FAM47E: variants seen among roughly 807,000 people sequenced by gnomAD.
FAM47E encodes family with sequence similarity 47 member E, also known as protein FAM47E.
A neutral mutation model predicts 41.6 loss-of-function variants in FAM47E; 32 were observed. The ratio of observed to expected loss-of-function variants is 0.77; its 90% CI spans 0.58 to 1.03. The LOEUF (loss-of-function observed/expected upper bound fraction) is 1.03. FAM47E is among the 50% of genes least tolerant of loss of function. The pLI, the probability that FAM47E is intolerant of heterozygous loss-of-function variation, is 0.00. For missense variants in FAM47E, 424 were observed against 485.4 expected, an observed-to-expected ratio of 0.87 and a Z score of 1.19; for synonymous variants, 184 against 188.7, an observed-to-expected ratio of 0.98 and a Z score of 0.20.
intron 5 of FAM47E, among the ~76,000 whole-genome samples, chr4:76,276,119 AAAGTT>A (rs1735098137): frequency 6.6e-6 from 1 of 152,124 alleles, no homozygotes; most frequent in Non-Finnish European, 1.5e-5. Flanking sequence ...CAATAGTGCC[AAAGTT>A]AAGAGACCTG....
intron 2 of FAM47E, among the ~76,000 whole-genome samples, chr4:76,229,981 T>C (rs566697011): frequency 4.6e-5 from 7 of 152,172 alleles, no homozygotes; most frequent in Non-Finnish European, 1.0e-4. Flanking sequence ...CAGGAGGTGG[T>C]GCTTTCAAGA....
At chr4:76,258,438 C>T (rs1470706771) in intron 2 of FAM47E, among the ~76,000 whole-genome samples, 2 of 151,994 alleles carry the variant, frequency 1.3e-5, no homozygotes, top group Admixed American at 1.3e-4. Context: ...GGTGGTTCTC[C>T]AAGGAAAAAT....
At chr4:76,280,542 C>T (rs1268687276) in intron 7 of FAM47E, 2 of 468,510 alleles carry the variant, frequency 4.3e-6, no homozygotes, top group East Asian at 6.7e-5. Flanking sequence ...TTTTATTCTG[C>T]CTATTTGGTT....
At chr4:76,225,598 C>T (rs56275416) in intron 2 of FAM47E, among the ~76,000 whole-genome samples, 3 of 152,152 alleles carry the variant, frequency 2.0e-5, no homozygotes, top group African/African-American at 4.8e-5. Flanking sequence ...AATCATAAAG[C>T]GATGCTGGAT....
At chr4:76,248,072 G>A (rs549768873), upstream of FAM47E, among the ~76,000 whole-genome samples, 5 of 151,484 alleles carry the variant, frequency 3.3e-5, no homozygotes, top group Non-Finnish European at 7.4e-5. Flanking sequence ...CCACCACCAC[G>A]CCTGGCTAAA....
intron 2 of FAM47E, among the ~76,000 whole-genome samples, chr4:76,224,351 C>A (rs1334540046): frequency 2.6e-5 from 4 of 152,122 alleles, no homozygotes. Context: ...TAGAGCCAGG[C>A]ACCTTAGAGT....
At chr4:76,267,845 G>A (rs905340173) in intron 3 of FAM47E, 3 of 152,158 alleles carry the variant, frequency 2.0e-5, no homozygotes, top group Admixed American at 6.5e-5. Flanking sequence ...GCAAATCTAC[G>A]GAGACAGAAA....
chr4:76,259,425 G>T (rs1359236722), intron 2 of FAM47E, among the ~76,000 whole-genome samples: 1 of 152,190 alleles, frequency 6.6e-6, no homozygotes, highest in Non-Finnish European at 1.5e-5. Flanking sequence ...CTATTGGATG[G>T]CACTTTCAAG....
chr4:76,225,541 A>G (rs1418290606), intron 2 of FAM47E, among the ~76,000 whole-genome samples: 2 of 152,160 alleles, frequency 1.3e-5, no homozygotes, highest in East Asian at 3.8e-4. Flanking sequence ...GATGGCTTTT[A>G]TTACCTTAAG....
intron 3 of FAM47E, chr4:76,267,975 C>T (rs1734712459): frequency 6.6e-6 from 1 of 152,132 alleles, no homozygotes; most frequent in South Asian, 2.1e-4. Context: ...GTGGTGGTTG[C>T]ACAACTTTGT....
chr4:76,260,606 A>C (rs755696127), intron 2 of FAM47E, among the ~76,000 whole-genome samples: 6 of 152,318 alleles, frequency 3.9e-5, no homozygotes, highest in Non-Finnish European at 8.8e-5. Context: ...GAAACTATAC[A>C]AATTCTAGAA....
At chr4:76,215,265 C>T (rs1251813495) in intron 1 of FAM47E, among the ~76,000 whole-genome samples, 1 of 152,238 alleles carries the variant, frequency 6.6e-6, no homozygotes, top group Admixed American at 6.5e-5. Context: ...CCTCATTTTA[C>T]ACTCAAGAAC....
At chr4:76,242,812 ATAT>A (rs1370902858) in intron 2 of FAM47E, among the ~76,000 whole-genome samples, 4 of 152,228 alleles carry the variant, frequency 2.6e-5, no homozygotes, top group Non-Finnish European at 2.9e-5. Context: ...TAAATAAGAC[ATAT>A]TATTATAATT....
At chr4:76,243,329 G>C (rs890269855) in intron 2 of FAM47E, among the ~76,000 whole-genome samples, 6 of 152,136 alleles carry the variant, frequency 3.9e-5, no homozygotes, top group Non-Finnish European at 5.9e-5. Flanking sequence ...AAATCAGCAA[G>C]ATTCACATAA....
chr4:76,227,010 T>A (rs371855186), intron 2 of FAM47E, among the ~76,000 whole-genome samples: 5,099 of 151,972 alleles, frequency 0.034, 243 homozygotes, highest in African/African-American at 0.11. Flanking sequence ...TTTTGTTTGT[T>A]TGTTTCAATT....
intron 5 of FAM47E, among the ~76,000 whole-genome samples, chr4:76,272,570 T>G (rs1171522443): frequency 6.6e-6 from 1 of 152,242 alleles, no homozygotes; most frequent in Non-Finnish European, 1.5e-5. Flanking sequence ...TATGTTTCTA[T>G]CCTTTACTCC....
At chr4:76,235,156 A>G (rs1354299376) in intron 2 of FAM47E, among the ~76,000 whole-genome samples, 1 of 152,056 alleles carries the variant, frequency 6.6e-6, no homozygotes. Context: ...TCCCTACTAA[A>G]AAATACAAAA....
chr4:76,235,047 G>T (rs1733560679), intron 2 of FAM47E, among the ~76,000 whole-genome samples: 1 of 152,208 alleles, frequency 6.6e-6, no homozygotes, highest in Non-Finnish European at 1.5e-5. Context: ...GCCGGTCGCG[G>T]TGGCTCACAC....
Position 76,245,062 on chromosome 4 carries a change from C to T in FAM47E, c.82-18642C>T, listed in dbSNP as rs1348538506. The stretch of plus-strand genomic sequence containing the variant: ...CCATCCATTTTATCCACTCATTTCA[C>T]AGAAATGGACATGCACATTGCCCCC... On this transcript the variant is annotated intron_variant, in intron 2 of 7. Transcript: ENST00000510197. 2.6e-5 allele frequency among the ~76,000 whole-genome samples: 4 copies of T among 152,150 alleles called. No individual in the cohort carries two copies. The East Asian group carries it at 7.7e-4, about 29-fold the overall frequency.
Sources: allele counts gnomAD v4.1 joint callset (sites outside exome capture counted in the v4.1 genomes callset), GRCh38; gene constraint gnomAD v4.1.1; transcripts MANE v1.5; gene names NCBI Gene and HGNC (gene_info 2026-07-23, HGNC 2026-07-21).